The following PRICKLE2 variants were observed in gnomAD, a reference collection of about 807,000 sequenced individuals.
PRICKLE2 encodes the protein prickle planar cell polarity protein 2.
PRICKLE2 carries 21 observed loss-of-function variants against 81.4 expected under a neutral mutation model. The ratio of observed to expected loss-of-function variants is 0.26; its 90% CI spans 0.18 to 0.37. The LOEUF (loss-of-function observed/expected upper bound fraction) is 0.37, where lower values mean the gene tolerates loss of function less well. Ranked by LOEUF, PRICKLE2 falls within the 10% of genes least tolerant of loss-of-function variation. The pLI, the probability that PRICKLE2 is intolerant of heterozygous loss-of-function variation, is 1.00. For missense variants in PRICKLE2, 940 were observed against 1,109.0 expected, an observed-to-expected ratio of 0.85 and a Z score of 2.16; for synonymous variants, 456 against 421.5, an observed-to-expected ratio of 1.08 and a Z score of -1.00.
chr3:64,226,380 C>A (rs553187353), upstream of PRICKLE2, among the ~76,000 whole-genome samples: 1 of 152,286 alleles, frequency 6.6e-6, no homozygotes, highest in East Asian at 1.9e-4. Flanking sequence ...GTGTTCAAAT[C>A]CTGCCTTTCC....
intron 7 of PRICKLE2, among the ~76,000 whole-genome samples, chr3:64,117,430 A>C (rs1056901537): frequency 6.6e-6 from 1 of 152,220 alleles, no homozygotes; most frequent in Non-Finnish European, 1.5e-5. Flanking sequence ...TGCAGATGAC[A>C]TGATCCTATA....
chr3:64,187,224 G>A (rs1310034676), intron 2 of PRICKLE2, among the ~76,000 whole-genome samples: 1 of 152,198 alleles, frequency 6.6e-6, no homozygotes, highest in Non-Finnish European at 1.5e-5. Context: ...TTGAAAACAA[G>A]TTTATTAACA....
At chr3:64,100,156 T>C in intron 7 of PRICKLE2, 1 of 565,606 alleles carries the variant, frequency 1.8e-6, no homozygotes, top group Middle Eastern at 4.7e-4. Flanking sequence ...GAGATGTATT[T>C]TACCAGTTAC....
intron 7 of PRICKLE2, among the ~76,000 whole-genome samples, chr3:64,107,051 C>T (rs948949494): frequency 4.6e-5 from 7 of 152,122 alleles, no homozygotes; most frequent in African/African-American, 1.7e-4. Flanking sequence ...TAGAGTTAAA[C>T]GCAGTGATTT....
chr3:64,143,324 T>C (rs1285359901), intron 7 of PRICKLE2, among the ~76,000 whole-genome samples: 6 of 151,976 alleles, frequency 3.9e-5, no homozygotes, highest in Non-Finnish European at 8.8e-5. Context: ...ATCTCAGGAG[T>C]TTTTTTCCCT....
At chr3:64,151,040 C>T (rs557973423) in intron 6 of PRICKLE2, among the ~76,000 whole-genome samples, 3 of 152,298 alleles carry the variant, frequency 2.0e-5, no homozygotes, top group South Asian at 4.1e-4. Flanking sequence ...GCCACAGCCT[C>T]GGTCTGTTTA....
chr3:64,198,674 C>A, intron 2 of PRICKLE2, 110 bp downstream of exon 2: 1 of 1,235,408 alleles, frequency 8.1e-7, no homozygotes, highest in Non-Finnish European at 1.2e-6. Flanking sequence ...AGCCCTACCA[C>A]TTCTCTGAAT....
intron 2 of PRICKLE2, among the ~76,000 whole-genome samples, chr3:64,173,841 G>C (rs778970076): frequency 9.6e-4 from 146 of 152,194 alleles, no homozygotes; most frequent in Non-Finnish European, 3.7e-4. Context: ...AGCCTTTTCC[G>C]AATCTCCAGA....
chr3:64,140,310 T>G (rs1413666832), intron 7 of PRICKLE2, among the ~76,000 whole-genome samples: 1 of 152,224 alleles, frequency 6.6e-6, no homozygotes, highest in African/African-American at 2.4e-5. Context: ...CATACTATTC[T>G]GCTATAACTC....
At chr3:64,132,234 AC>A in intron 7 of PRICKLE2, among the ~76,000 whole-genome samples, 1 of 152,154 alleles carries the variant, frequency 6.6e-6, no homozygotes, top group Non-Finnish European at 1.5e-5. Flanking sequence ...GCAACTTATC[AC>A]AATCTGTCCT....
At chr3:64,198,700 T>G (rs911895687) in intron 2 of PRICKLE2, 84 bp downstream of exon 2, 2 of 1,439,394 alleles carry the variant, frequency 1.4e-6, no homozygotes, top group African/African-American at 1.4e-5. Flanking sequence ...AAGTCTACTC[T>G]TCCTACAGAA....
intron 1 of PRICKLE2, among the ~76,000 whole-genome samples, chr3:64,211,507 T>A (rs1391779239): frequency 6.6e-6 from 1 of 152,214 alleles, no homozygotes; most frequent in Non-Finnish European, 1.5e-5. Context: ...TGCAATTTAT[T>A]CTCAGATGGT....
intron 5 of PRICKLE2, among the ~76,000 whole-genome samples, chr3:64,156,903 T>C (rs1219543065): frequency 6.6e-6 from 1 of 152,196 alleles, no homozygotes; most frequent in Non-Finnish European, 1.5e-5. Flanking sequence ...GCCAGTTATA[T>C]GTCACTTGGG....
At chr3:64,249,225 A>C (rs2079405516) in intron 2 of PRICKLE2, among the ~76,000 whole-genome samples, 1 of 152,024 alleles carries the variant, frequency 6.6e-6, no homozygotes, top group Non-Finnish European at 1.5e-5. Flanking sequence ...ACCTCTTACC[A>C]TGGCAGAGGA....
At chr3:64,158,090 A>G (rs2077667781) in intron 4 of PRICKLE2, among the ~76,000 whole-genome samples, 1 of 152,232 alleles carries the variant, frequency 6.6e-6, no homozygotes, top group Non-Finnish European at 1.5e-5. Context: ...CAAAAAGAAT[A>G]TGGTTTGAGG....
chr3:64,256,529 G>A (rs911559220), intron 2 of PRICKLE2, among the ~76,000 whole-genome samples: 1 of 152,128 alleles, frequency 6.6e-6, no homozygotes, highest in East Asian at 1.9e-4. Flanking sequence ...GACCCATGAT[G>A]TAGAAAAGTC....
At chr3:64,149,482 G>T (rs190884356) in intron 6 of PRICKLE2, among the ~76,000 whole-genome samples, 2 of 152,354 alleles carry the variant, frequency 1.3e-5, no homozygotes, top group Middle Eastern at 3.4e-3. Context: ...GCCCCTTCCC[G>T]TGGGGAGAGC....
intron 2 of PRICKLE2, among the ~76,000 whole-genome samples, chr3:64,166,824 C>T (rs1054285381): frequency 6.6e-5 from 10 of 152,206 alleles, no homozygotes; most frequent in South Asian, 4.1e-4. Flanking sequence ...ACTTCCAATC[C>T]TCTTCGAAGT....
chr3:64,241,316 G>T (rs2107171190), intron 2 of PRICKLE2, among the ~76,000 whole-genome samples: 1 of 152,272 alleles, frequency 6.6e-6, no homozygotes, highest in Admixed American at 6.5e-5. Context: ...TTTTAGTGGG[G>T]ACACATTCTA....
Sources: allele counts gnomAD v4.1 joint callset (sites outside exome capture counted in the v4.1 genomes callset), GRCh38; gene constraint gnomAD v4.1.1; transcripts MANE v1.5; gene names NCBI Gene and HGNC (gene_info 2026-07-23, HGNC 2026-07-21).